ANKS1B: variants seen among roughly 807,000 people sequenced by gnomAD.
ANKS1B encodes ankyrin repeat and sterile alpha motif domain-containing protein 1B.
In ANKS1B, 36 loss-of-function variants were observed where a neutral mutation model predicts 148.3. The observed-to-expected ratio is 0.24, with a 90% CI of 0.19 to 0.32. The LOEUF (loss-of-function observed/expected upper bound fraction) is 0.32, where lower values mean the gene tolerates loss of function less well. Ranked by LOEUF, ANKS1B falls within the 10% of genes least tolerant of loss-of-function variation. ANKS1B has a pLI of 1.00. For missense variants in ANKS1B, 1,157 were observed against 1,542.6 expected (o/e 0.75, Z 4.19); for synonymous variants, 542 against 560.8 (o/e 0.97, Z 0.47).
intron 8 of ANKS1B, among the ~76,000 whole-genome samples, chr12:99,680,949 G>A (rs562055558): frequency 6.8e-6 from 1 of 146,292 alleles, no homozygotes; most frequent in South Asian, 2.1e-4. Context: ...TAACTCCATT[G>A]GCCTGAGAAC....
intron 23 of ANKS1B, among the ~76,000 whole-genome samples, chr12:98,781,905 C>T (rs1202608083): frequency 6.6e-6 from 1 of 152,202 alleles, no homozygotes; most frequent in Non-Finnish European, 1.5e-5. Flanking sequence ...CTGCTACATT[C>T]CCTTAGGCCA....
chr12:99,495,756 T>C (rs968754383), intron 10 of ANKS1B, among the ~76,000 whole-genome samples: 3 of 152,342 alleles, frequency 2.0e-5, no homozygotes, highest in East Asian at 3.9e-4. Context: ...AGAAATCATG[T>C]TGACACTACC....
At chr12:99,528,464 G>T (rs2096953305) in intron 9 of ANKS1B, among the ~76,000 whole-genome samples, 1 of 143,234 alleles carries the variant, frequency 7.0e-6, no homozygotes, top group Non-Finnish European at 1.5e-5. Flanking sequence ...ACCATCAACA[G>T]AGTAAACAGA....
At position 98,759,505 on chromosome 12, in the gene ANKS1B, A is replaced by G. The variant is rs574926847; in HGVS notation, c.3580-7983T>C. On this transcript the variant is annotated intron_variant, in intron 25 of 26. Transcript: ENST00000683438. ...TACGCAGCATATTCATCGGTCTAGTATGAGAAAAATTGCATCATAGATGGT... is the reference window on the plus strand; with the variant it reads ...TACGCAGCATATTCATCGGTCTAGTGTGAGAAAAATTGCATCATAGATGGT... Among the ~76,000 whole-genome samples the G allele has an allele frequency of 5.9e-5, 9 of 152,280 alleles. No individual in the cohort carries two copies. The South Asian group carries it at 1.9e-3, about 32-fold the overall frequency.
intron 1 of ANKS1B, among the ~76,000 whole-genome samples, chr12:99,956,440 C>A (rs1282634065): frequency 6.6e-6 from 1 of 152,176 alleles, no homozygotes; most frequent in Non-Finnish European, 1.5e-5. Flanking sequence ...CATCTCCTTT[C>A]TTTTCATCTT....
At chr12:99,584,556 C>T (rs1387529188) in intron 9 of ANKS1B, among the ~76,000 whole-genome samples, 2 of 152,144 alleles carry the variant, frequency 1.3e-5, no homozygotes, top group Non-Finnish European at 1.5e-5. Context: ...GTGACTGCAT[C>T]ACTGTACTCC....
intron 1 of ANKS1B, among the ~76,000 whole-genome samples, chr12:99,877,591 C>A (rs959643543): frequency 6.6e-6 from 1 of 152,176 alleles, no homozygotes. Flanking sequence ...GTCAGTCATC[C>A]TTGACTGATA....
At chr12:99,194,592 C>G (rs866591283) in intron 14 of ANKS1B, among the ~76,000 whole-genome samples, 6 of 152,074 alleles carry the variant, frequency 3.9e-5, no homozygotes, top group Middle Eastern at 3.4e-3. Flanking sequence ...GCCAATCAAC[C>G]ATTTGTGTTT....
chr12:98,744,468 A>G lies in ANKS1B; in HGVS notation c.*1271T>C, dbSNP rs1237282917. 2.9e-6 allele frequency: 2 copies of G among 692,840 alleles called. No individual in the cohort carries two copies. Among genetic ancestry groups the G allele is most frequent in the African/African-American group, 1.9e-5 (1 of 51,636 alleles). The allele number at this position is 692,840 out of a possible 1,614,324, so 42.9% of individuals were successfully genotyped here. A position where few individuals can be genotyped will look rare whatever the true frequency, so the allele number is the denominator to read the frequency against. ...TATGATTGTTAGAACAATATACATT[A>G]AAATGTTATTTTTTTCTATAATGAT... On this transcript the variant is annotated 3_prime_UTR_variant, in exon 27 of 27. Transcript: ENST00000683438.
chr12:99,132,036 A>T (rs1600678363), intron 15 of ANKS1B, among the ~76,000 whole-genome samples: 1 of 146,876 alleles, frequency 6.8e-6, no homozygotes, highest in Non-Finnish European at 1.5e-5. Context: ...ACTCCTTCCC[A>T]CCCCCAGGCC....
chr12:98,916,698 G>A (rs1193545006), intron 17 of ANKS1B, among the ~76,000 whole-genome samples: 1 of 152,180 alleles, frequency 6.6e-6, no homozygotes, highest in Non-Finnish European at 1.5e-5. Flanking sequence ...GGTTGAACAT[G>A]GTGCTGGTGA....
intron 1 of ANKS1B, among the ~76,000 whole-genome samples, chr12:99,835,612 A>G (rs189326331): frequency 1.3e-5 from 2 of 152,274 alleles, no homozygotes; most frequent in Admixed American, 1.3e-4. Context: ...TCTTTTTTGT[A>G]CTGTTTTCAA....
intron 4 of ANKS1B, among the ~76,000 whole-genome samples, chr12:99,800,947 G>A (rs1292544360): frequency 6.6e-6 from 1 of 152,046 alleles, no homozygotes. Flanking sequence ...CTAAGCCCTG[G>A]GACACTCCGA....
chr12:99,437,184 G>A (rs889086812), intron 11 of ANKS1B, among the ~76,000 whole-genome samples: 5 of 151,950 alleles, frequency 3.3e-5, no homozygotes, highest in African/African-American at 4.8e-5. Context: ...GCAGATTGCC[G>A]AGTTCTTGCT....
chr12:99,147,212 T>C (rs1425686719), intron 15 of ANKS1B, among the ~76,000 whole-genome samples: 1 of 152,014 alleles, frequency 6.6e-6, no homozygotes, highest in Non-Finnish European at 1.5e-5. Flanking sequence ...TCCTAACCCA[T>C]ACTTGGAGAT....
rs564569347 is a variant in ANKS1B at position 99,465,863 on chromosome 12, T to C, written c.1439-22054A>G. Among the ~76,000 whole-genome samples, 6 of 152,284 alleles carry C rather than the reference T, an allele frequency of 3.9e-5. No individual in the cohort carries two copies. The East Asian group carries it at 9.6e-4, about 24-fold the overall frequency. On this transcript the variant is annotated intron_variant, in intron 10 of 26. Transcript: ENST00000683438. Reference sequence around the variant, plus strand: ...ATAATGGGAGACTATAACACCCCACTGTCAACATTAGACAGATCAACGAGA... The same window carrying C: ...ATAATGGGAGACTATAACACCCCACCGTCAACATTAGACAGATCAACGAGA...
chr12:99,724,406 G>A (rs1451860456), intron 8 of ANKS1B, among the ~76,000 whole-genome samples: 4 of 152,176 alleles, frequency 2.6e-5, no homozygotes, highest in Admixed American at 2.6e-4. Flanking sequence ...AAGTATATCT[G>A]AGTTTGAAGA....
At chr12:98,850,256 G>A (rs1430653885) in intron 17 of ANKS1B, among the ~76,000 whole-genome samples, 1 of 152,098 alleles carries the variant, frequency 6.6e-6, no homozygotes, top group Non-Finnish European at 1.5e-5. Flanking sequence ...CTGGTCTATT[G>A]TCATATATCC....
At chr12:99,921,209 T>C (rs537799948) in intron 1 of ANKS1B, among the ~76,000 whole-genome samples, 132 of 152,260 alleles carry the variant, frequency 8.7e-4, no homozygotes, top group Non-Finnish European at 1.6e-3. Context: ...GATTGGATCA[T>C]GGGGGTGGTT....
Sources: allele counts gnomAD v4.1 joint callset (sites outside exome capture counted in the v4.1 genomes callset), GRCh38; gene constraint gnomAD v4.1.1; transcripts MANE v1.5; gene names NCBI Gene and HGNC (gene_info 2026-07-23, HGNC 2026-07-21).